Variants in SPATS2L observed in about 807,000 individuals in gnomAD.
SPATS2L encodes spermatogenesis associated serine rich 2 like, also known as SPATS2-like protein.
Under a neutral mutation model 59.6 loss-of-function variants are expected in SPATS2L, and 30 were observed. That is an observed-to-expected ratio of 0.50 (90% confidence interval 0.38 to 0.68). The LOEUF (loss-of-function observed/expected upper bound fraction) is 0.68, where lower values mean the gene tolerates loss of function less well. Ranked by LOEUF, SPATS2L falls within the 30% of genes least tolerant of loss-of-function variation. The pLI, the probability that SPATS2L is intolerant of heterozygous loss-of-function variation, is 0.00. For synonymous variants in SPATS2L, 252 were observed against 263.5 expected (o/e 0.96, Z 0.42); for missense variants, 615 against 700.0 (o/e 0.88, Z 1.37).
intron 6 of SPATS2L, among the ~76,000 whole-genome samples, chr2:200,424,080 G>GT (rs994747855): frequency 1.3e-5 from 2 of 152,166 alleles, no homozygotes; most frequent in Non-Finnish European, 2.9e-5. Context: ...CCTGAGAGTA[G>GT]TTTTTTTCTG....
intron 11 of SPATS2L, among the ~76,000 whole-genome samples, chr2:200,471,407 C>T (rs565584731): frequency 1.9e-4 from 29 of 152,212 alleles, no homozygotes; most frequent in South Asian, 4.1e-4. Context: ...TGATGCTGAG[C>T]GATGCCCTGT....
At chr2:200,379,441 CCCCACAGA>C (rs1265186802) in intron 2 of SPATS2L, among the ~76,000 whole-genome samples, 4 of 152,154 alleles carry the variant, frequency 2.6e-5, no homozygotes, top group African/African-American at 9.7e-5. Context: ...TGCCAGCATT[CCCCACAGA>C]CCCTGGTGCA....
intron 2 of SPATS2L, among the ~76,000 whole-genome samples, chr2:200,347,812 A>C (rs1202680677): frequency 1.3e-5 from 2 of 152,240 alleles, no homozygotes; most frequent in Non-Finnish European, 2.9e-5. Context: ...TACGTGAACA[A>C]CAATTTAGTC....
At chr2:200,392,427 A>G (rs1369390945) in intron 3 of SPATS2L, among the ~76,000 whole-genome samples, 1 of 152,184 alleles carries the variant, frequency 6.6e-6, no homozygotes, top group Non-Finnish European at 1.5e-5. Context: ...TGCCCTGTGT[A>G]TCTCTTCTCT....
At chr2:200,350,649 A>G (rs1220908056) in intron 2 of SPATS2L, among the ~76,000 whole-genome samples, 1 of 152,040 alleles carries the variant, frequency 6.6e-6, no homozygotes, top group African/African-American at 2.4e-5. Flanking sequence ...TCAGCCTCCC[A>G]AGTAGCTGGG....
At chr2:200,437,031 C>T (rs2084347270) in intron 6 of SPATS2L, among the ~76,000 whole-genome samples, 1 of 152,184 alleles carries the variant, frequency 6.6e-6, no homozygotes, top group African/African-American at 2.4e-5. Flanking sequence ...ATGTGGTATG[C>T]TGGCTCCCAG....
At chr2:200,314,416 C>A (rs991344784) in intron 1 of SPATS2L, among the ~76,000 whole-genome samples, 6 of 152,190 alleles carry the variant, frequency 3.9e-5, no homozygotes, top group African/African-American at 1.4e-4. Flanking sequence ...AGTAGCCTCG[C>A]AACTGGTCTC....
chr2:200,395,673 T>G (rs2082307221), intron 3 of SPATS2L, among the ~76,000 whole-genome samples: 1 of 152,074 alleles, frequency 6.6e-6, no homozygotes, highest in Non-Finnish European at 1.5e-5. Context: ...CTGGGGGAGC[T>G]TATCTGTTTA....
chr2:200,371,258 T>C (rs190148965), intron 2 of SPATS2L, among the ~76,000 whole-genome samples: 38 of 152,134 alleles, frequency 2.5e-4, no homozygotes, highest in Admixed American at 2.4e-3. Context: ...GAATGTATTA[T>C]ATAAAGTTCT....
At chr2:200,429,537 G>A (rs1342767480) in intron 6 of SPATS2L, among the ~76,000 whole-genome samples, 4 of 152,220 alleles carry the variant, frequency 2.6e-5, no homozygotes. Flanking sequence ...TTGCCAGAGG[G>A]TGTAGATGGA....
At chr2:200,464,492 T>C (rs1047871563) in intron 9 of SPATS2L, among the ~76,000 whole-genome samples, 2 of 152,226 alleles carry the variant, frequency 1.3e-5, no homozygotes, top group African/African-American at 2.4e-5. Flanking sequence ...CAAGTTCTGC[T>C]TAATCAAAAA....
chr2:200,342,453 A>C (rs886414615), intron 2 of SPATS2L, among the ~76,000 whole-genome samples: 2 of 152,222 alleles, frequency 1.3e-5, no homozygotes, highest in African/African-American at 4.8e-5. Flanking sequence ...CAGGGGAGTG[A>C]AGCCTTCCTC....
chr2:200,437,835 T>C (rs2106094071), intron 6 of SPATS2L, among the ~76,000 whole-genome samples: 1 of 152,346 alleles, frequency 6.6e-6, no homozygotes, highest in South Asian at 2.1e-4. Context: ...TCATATTCCT[T>C]TGTATTTTTT....
At chr2:200,409,174 G>A (rs913781759) in intron 3 of SPATS2L, among the ~76,000 whole-genome samples, 9 of 152,274 alleles carry the variant, frequency 5.9e-5, no homozygotes, top group East Asian at 1.9e-4. Context: ...CAGCCGCTGC[G>A]GGCGTGAATT....
intron 12 of SPATS2L, 95 bp from the exon 13 acceptor site, chr2:200,477,541 T>TCA: frequency 1.6e-6 from 1 of 644,544 alleles, no homozygotes; most frequent in Non-Finnish European, 2.2e-6. Context: ...AAAAAAAAGC[T>TCA]TACCTGTGGC....
Position 200,439,323 on chromosome 2 carries a change from A to G in SPATS2L, c.647A>G (p.Lys216Arg). The G allele has an allele frequency of 6.2e-7, 1 of 1,611,614 alleles. No individual in the cohort carries two copies. Among genetic ancestry groups the G allele is most frequent in the South Asian group, 1.1e-5 (1 of 90,994 alleles). ...LEIKPDELAK[K>R]RGPNIEKSVK... ...ATAAAGCCAGATGAGTTGGCAAAGA[A>G]AAGAGGTAAAGTGATTTCTTTTGCA... The change falls in exon 7 of 13, where the codon AAA becomes AGA. Residue 216 changes from lysine to arginine, a missense_variant. This residue lies in a region of SPATS2L where 227 missense variants were observed against 257.4 expected (regional missense o/e 0.88). Transcript: ENST00000409140.
intron 2 of SPATS2L, among the ~76,000 whole-genome samples, chr2:200,363,323 A>T (rs1418059601): frequency 3.9e-5 from 6 of 152,036 alleles, no homozygotes; most frequent in Non-Finnish European, 8.8e-5. Context: ...TACATACTCT[A>T]TCGGGGACTT....
chr2:200,348,268 A>G (rs2080587807), intron 2 of SPATS2L, among the ~76,000 whole-genome samples: 1 of 152,198 alleles, frequency 6.6e-6, no homozygotes. Context: ...TGTCTTTGGT[A>G]TGAGAGAGCA....
At position 200,481,464 on chromosome 2, in the gene SPATS2L, CCA is replaced by C. The variant is rs955849869; in HGVS notation, c.*3435_*3436del. On this transcript the variant is annotated 3_prime_UTR_variant, in exon 13 of 13. Transcript: ENST00000409140. ...TTTTCCTAAATCGATTCGGTGCTCCCCACCCCGACGCAGGCACAGGTCCGCAA... is the reference window on the plus strand; with the variant it reads ...TTTTCCTAAATCGATTCGGTGCTCCCCCCCGACGCAGGCACAGGTCCGCAA... The C allele has an allele frequency of 1.1e-4, 16 of 152,312 alleles. No individual in the cohort carries two copies. Among genetic ancestry groups the C allele is most frequent in the African/African-American group, 3.6e-4 (15 of 41,564 alleles). 9.4% of individuals were successfully genotyped at this position (152,312 alleles called of 1,614,324 possible).
Sources: gnomAD v4.1 joint callset for allele counts (sites outside exome capture counted in the v4.1 genomes callset) on GRCh38, gnomAD v4.1.1 for gene constraint, gnomAD v4.1.1 regional missense constraint, MANE v1.5 for transcripts, NCBI Gene and HGNC (gene_info 2026-07-23, HGNC 2026-07-21) for gene names.